Variants in SOBP observed in about 807,000 individuals in gnomAD.
The protein encoded by SOBP is sine oculis-binding protein homolog.
Under a neutral mutation model 53.6 loss-of-function variants are expected in SOBP, and 4 were observed. The ratio of observed to expected loss-of-function variants is 0.07; its 90% CI spans 0.04 to 0.17. The LOEUF is 0.17. Among genes scored for constraint, SOBP ranks in the 10% least tolerant of loss-of-function variants. The pLI, the probability that SOBP is intolerant of heterozygous loss-of-function variation, is 1.00. For synonymous variants in SOBP, 584 were observed against 522.6 expected (o/e 1.12, Z -1.60); for missense variants, 1,088 against 1,204.7 (o/e 0.90, Z 1.43).
chr6:107,626,134 A>C lies in SOBP; in HGVS notation c.670-7380A>C, dbSNP rs542392555. Among the ~76,000 whole-genome samples, 4 of 152,380 alleles carry C rather than the reference A, an allele frequency of 2.6e-5. No homozygotes were observed. The South Asian group carries it at 8.3e-4, about 32-fold the overall frequency. On this transcript the variant is annotated intron_variant, in intron 5 of 6. Transcript: ENST00000317357. ...AATACATATCTGAAAAAAGATTCAG[A>C]TAATACATTTTAAAAAAAGAGGAGT...
chr6:107,499,168 A>G (rs767715442), intron 1 of SOBP, among the ~76,000 whole-genome samples: 9 of 152,148 alleles, frequency 5.9e-5, no homozygotes, highest in South Asian at 2.1e-4. Flanking sequence ...TTGCGGATAC[A>G]TTGGGAAGTA....
At chr6:107,527,992 A>G (rs572367654) in intron 3 of SOBP, among the ~76,000 whole-genome samples, 21 of 152,298 alleles carry the variant, frequency 1.4e-4, no homozygotes, top group African/African-American at 4.8e-4. Flanking sequence ...AGGTTGCCCT[A>G]GCTCTTTCCA....
intron 5 of SOBP, among the ~76,000 whole-genome samples, chr6:107,631,946 C>T (rs990246998): frequency 3.9e-5 from 6 of 152,214 alleles, no homozygotes; most frequent in African/African-American, 9.7e-5. Context: ...TACAGACCCA[C>T]ATCTGCCAAG....
intron 3 of SOBP, among the ~76,000 whole-genome samples, chr6:107,516,229 A>G (rs776035115): frequency 2.0e-5 from 3 of 152,200 alleles, no homozygotes; most frequent in Non-Finnish European, 2.9e-5. Context: ...TGGGAGTCCA[A>G]GGCAGGCAGA....
At chr6:107,590,189 C>T (rs138460703) in intron 5 of SOBP, among the ~76,000 whole-genome samples, 10 of 152,250 alleles carry the variant, frequency 6.6e-5, no homozygotes, top group African/African-American at 1.9e-4. Flanking sequence ...TCCTCAGCCA[C>T]GACTTTCTCA....
At chr6:107,581,180 G>T (rs1380202914) in intron 4 of SOBP, among the ~76,000 whole-genome samples, 1 of 152,212 alleles carries the variant, frequency 6.6e-6, no homozygotes, top group Non-Finnish European at 1.5e-5. Context: ...CAATAAATTG[G>T]TGTGGAATGG....
At chr6:107,606,131 T>C in intron 5 of SOBP, among the ~76,000 whole-genome samples, 1 of 133,008 alleles carries the variant, frequency 7.5e-6, no homozygotes, top group Non-Finnish European at 1.5e-5. Context: ...GGCTGGAGTG[T>C]AGTAGCGCGA....
chr6:107,564,011 G>A (rs972297639), intron 4 of SOBP, among the ~76,000 whole-genome samples: 2 of 152,160 alleles, frequency 1.3e-5, no homozygotes, highest in African/African-American at 2.4e-5. Flanking sequence ...GGAGACGGGT[G>A]GGTAGTCTAA....
intron 4 of SOBP, among the ~76,000 whole-genome samples, chr6:107,544,909 A>G (rs1479032217): frequency 6.6e-6 from 1 of 152,238 alleles, no homozygotes; most frequent in Non-Finnish European, 1.5e-5. Flanking sequence ...TTCATGGACT[A>G]TAGAGTTAGC....
Position 107,622,271 on chromosome 6 carries a change from G to A in SOBP, c.670-11243G>A, listed in dbSNP as rs533408048. 3.9e-5 allele frequency among the ~76,000 whole-genome samples: 6 copies of A among 152,330 alleles called. No individual in the cohort carries two copies. In the South Asian group the frequency reaches 1.2e-3, roughly 32 times the overall value. On this transcript the variant is annotated intron_variant, in intron 5 of 6. Coordinates refer to ENST00000317357, the MANE Select transcript of SOBP (RefSeq NM_018013.4). ...AGTGGGCAGCATGTGGGTCTTCTGA[G>A]CCAAATGGAATCAAAGCCTGAGGCA...
chr6:107,494,260 C>T (rs1197103806), intron 1 of SOBP, among the ~76,000 whole-genome samples: 4 of 152,164 alleles, frequency 2.6e-5, no homozygotes, highest in African/African-American at 9.7e-5. Flanking sequence ...TAATATGTCT[C>T]AGGTATACTG....
In SOBP at chr6:107,606,181, A is replaced by G. The variant is rs1435622331; in HGVS notation, c.669+19006A>G. Among the ~76,000 whole-genome samples the G allele has an allele frequency of 2.1e-5, 3 of 143,028 alleles. No homozygotes were observed. The Admixed American group carries it at 2.3e-4, about 11-fold the overall frequency. The allele number at this position is 143,028 out of a possible 152,430, so 93.8% of individuals were successfully genotyped here. A position where few individuals can be genotyped will look rare whatever the true frequency, so the allele number is the denominator to read the frequency against. On this transcript the variant is annotated intron_variant, in intron 5 of 6. Coordinates refer to ENST00000317357, the MANE Select transcript of SOBP (RefSeq NM_018013.4). ...AGCCTCCACTTCCCGGGTTCATGCA[A>G]TTCTCCTGCCTCAGCCTTCCAAGTA...
intron 3 of SOBP, among the ~76,000 whole-genome samples, chr6:107,524,519 T>C (rs977857144): frequency 1.3e-5 from 2 of 152,216 alleles, no homozygotes; most frequent in Admixed American, 1.3e-4. Flanking sequence ...TGTTGATTTC[T>C]CCCATTTTCT....
At chr6:107,626,717 C>T (rs893876760) in intron 5 of SOBP, among the ~76,000 whole-genome samples, 1 of 152,180 alleles carries the variant, frequency 6.6e-6, no homozygotes, top group Non-Finnish European at 1.5e-5. Context: ...CATGGGACGG[C>T]CTGGCAATGG....
chr6:107,536,491 A>G (rs1784001740), intron 4 of SOBP, among the ~76,000 whole-genome samples: 1 of 152,160 alleles, frequency 6.6e-6, no homozygotes, highest in African/African-American at 2.4e-5. Context: ...CCCACTGAAA[A>G]TGGGCTCTTG....
At chr6:107,654,995 G>A (rs1771971922) in intron 6 of SOBP, among the ~76,000 whole-genome samples, 1 of 152,114 alleles carries the variant, frequency 6.6e-6, no homozygotes, top group African/African-American at 2.4e-5. Flanking sequence ...AGGCTCTGGG[G>A]GAGGGTGGCT....
At chr6:107,617,248 C>A (rs1252819576) in intron 5 of SOBP, among the ~76,000 whole-genome samples, 4 of 152,124 alleles carry the variant, frequency 2.6e-5, no homozygotes, top group African/African-American at 7.2e-5. Flanking sequence ...ATTTTCTAAC[C>A]CCGCTTCTAA....
In SOBP at chr6:107,647,712, A is replaced by G. The variant is rs556351699; in HGVS notation, c.*4-10495A>G. ...ACAGGGTGGCGCAGCCAGGATTAGA[A>G]CCTGAGTCCTCATCTGCCTTTCCTC... is the stretch of plus-strand genomic sequence containing the variant. On this transcript the variant is annotated intron_variant, in intron 6 of 6. Transcript: ENST00000317357. Among the ~76,000 whole-genome samples the G allele has an allele frequency of 4.0e-5, 6 of 151,680 alleles. No homozygotes were observed. The South Asian group carries it at 1.3e-3, about 32-fold the overall frequency.
intron 6 of SOBP, among the ~76,000 whole-genome samples, chr6:107,652,172 G>A (rs1313728078): frequency 6.6e-6 from 1 of 152,174 alleles, no homozygotes; most frequent in African/African-American, 2.4e-5. Flanking sequence ...TGATAGTGAT[G>A]CCTCTAACAG....
Sources: gnomAD v4.1 joint callset for allele counts (sites outside exome capture counted in the v4.1 genomes callset) on GRCh38, gnomAD v4.1.1 for gene constraint, MANE v1.5 for transcripts, NCBI Gene and HGNC (gene_info 2026-07-23, HGNC 2026-07-21) for gene names.